The following TESPA1 variants were observed in gnomAD, a reference collection of about 807,000 sequenced individuals.
TESPA1 encodes thymocyte expressed, positive selection associated 1.
TESPA1 carries 33 observed loss-of-function variants against 57.9 expected under a neutral mutation model. The observed-to-expected ratio is 0.57, with a 90% confidence interval of 0.43 to 0.76. TESPA1 has a LOEUF of 0.76. Ranked by LOEUF, TESPA1 falls within the 30% of genes least tolerant of loss-of-function variation. TESPA1 has a pLI of 0.00. For synonymous variants in TESPA1, 227 were observed against 228.9 expected, an observed-to-expected ratio of 0.99 and a Z score of 0.07; for missense variants, 618 against 632.9, an observed-to-expected ratio of 0.98 and a Z score of 0.25.
chr12:54,982,433 AT>A (rs1399998142), intron 1 of TESPA1, among the ~76,000 whole-genome samples: 1 of 152,208 alleles, frequency 6.6e-6, no homozygotes, highest in African/African-American at 2.4e-5. Context: ...TCTCCCACAA[AT>A]AAGCGTAGCT....
chr12:54,964,955 T>C (rs1242084216), intron 7 of TESPA1, among the ~76,000 whole-genome samples: 1 of 152,202 alleles, frequency 6.6e-6, no homozygotes, highest in Non-Finnish European at 1.5e-5. Context: ...GGACTAAGGC[T>C]CAGTGAGGAT....
Position 54,964,332 on chromosome 12 carries a change from G to C in TESPA1, c.447-382C>G, listed in dbSNP as rs527758184. ...AATTTGCCATCCGACTTGCCCCAGT[G>C]GTTGTTGCGTGGGACAACTAAGCAA... On this transcript the variant is annotated intron_variant, in intron 7 of 10. Transcript: ENST00000449076. Among the ~76,000 whole-genome samples, 66 of 152,300 alleles carry C rather than the reference G, an allele frequency of 4.3e-4. 2 individuals are homozygous for C. The South Asian group carries it at 0.014, about 31-fold the overall frequency.
At chr12:54,970,539 A>G (rs911311960) in intron 3 of TESPA1, among the ~76,000 whole-genome samples, 3 of 152,186 alleles carry the variant, frequency 2.0e-5, no homozygotes, top group African/African-American at 7.2e-5. Flanking sequence ...GGAACCTACA[A>G]CAGCAGTGTG....
intron 3 of TESPA1, among the ~76,000 whole-genome samples, chr12:54,970,077 C>T (rs1307838091): frequency 6.6e-6 from 1 of 152,150 alleles, no homozygotes; most frequent in African/African-American, 2.4e-5. Context: ...AAGGTGCTGC[C>T]ATGCCTGGCT....
At chr12:54,972,019 A>T (rs1951862259) in intron 3 of TESPA1, among the ~76,000 whole-genome samples, 1 of 152,230 alleles carries the variant, frequency 6.6e-6, no homozygotes, top group Non-Finnish European at 1.5e-5. Flanking sequence ...GAGAACCCTT[A>T]GACTGTATTA....
At position 54,961,201 on chromosome 12, in the gene TESPA1, G is replaced by C; in HGVS notation, c.1534C>G (p.His512Asp). 1 of 1,614,026 alleles carries C rather than the reference G, an allele frequency of 6.2e-7. No homozygotes were observed. The highest frequency in any genetic ancestry group is 2.2e-5 in the East Asian group (1 of 44,882). ...TCTTTGCCAGCAAAAGTCTGGTGGT[G>C]GTGGGGGTGCCTGGGTCTGCTGGGC... ...RWPSRPRHPHHHQTFAGKDS is the reference protein window; with the variant it reads ...RWPSRPRHPHDHQTFAGKDS Residue 512 changes from histidine (H) to aspartate (D), a missense_variant, in exon 10 of 11, where the codon CAC becomes GAC. By Grantham distance (81) the His-to-Asp change is moderately conservative. Around this residue, in one of 3 missense-constraint regions of TESPA1, gnomAD observed 409 missense variants for 420.1 expected, o/e 0.97. Coordinates refer to ENST00000449076, the MANE Select transcript of TESPA1 (RefSeq NM_001136030.3).
At chr12:54,975,379 A>C (rs1304583201) in intron 1 of TESPA1, among the ~76,000 whole-genome samples, 1 of 152,182 alleles carries the variant, frequency 6.6e-6, no homozygotes, top group African/African-American at 2.4e-5. Context: ...TTCATATTTC[A>C]TGTAACATTA....
intron 8 of TESPA1, among the ~76,000 whole-genome samples, 169 bp from the exon 9 acceptor site, chr12:54,963,411 A>T (rs1365158581): frequency 1.3e-5 from 2 of 152,122 alleles, no homozygotes; most frequent in Non-Finnish European, 2.9e-5. Context: ...GAATTTCGTA[A>T]CTTCTTGACA....
At position 54,966,102 on chromosome 12, in the gene TESPA1, T is replaced by C; in HGVS notation, c.397A>G (p.Ser133Gly). Residue 133 changes from serine to glycine, a missense_variant, in exon 7 of 11, where the codon AGT becomes GGT. Transcript: ENST00000449076. ...RPCQLLDLGC[S>G]LASSSMTGGT... is the part of the protein sequence containing the mutation. The stretch of plus-strand genomic sequence containing the variant: ...CCAGTCATGCTGCTGGAAGCCAAAC[T>C]ACAGCCAAGATCAAGTAGCTGGCAA... 6.3e-7 allele frequency: 1 copy of C among 1,578,688 alleles called. No individual in the cohort carries two copies. Among genetic ancestry groups the C allele is most frequent in the Non-Finnish European group, 8.6e-7 (1 of 1,161,204 alleles).
At chr12:54,973,789 CTT>C in intron 2 of TESPA1, 2 of 1,229,206 alleles carry the variant, frequency 1.6e-6, no homozygotes, top group Non-Finnish European at 2.0e-6. Context: ...TTGAGAGTTC[CTT>C]TCCCACAAGG....
chr12:54,955,323 G>A (rs1232478792), intron 10 of TESPA1, among the ~76,000 whole-genome samples: 1 of 152,164 alleles, frequency 6.6e-6, no homozygotes, highest in Non-Finnish European at 1.5e-5. Context: ...AATGGACAAA[G>A]GTTGACATCC....
intron 10 of TESPA1, among the ~76,000 whole-genome samples, chr12:54,952,725 A>G (rs1183074829): frequency 6.6e-6 from 1 of 152,236 alleles, no homozygotes; most frequent in Non-Finnish European, 1.5e-5. Flanking sequence ...GCCTTCAGTA[A>G]TTAATGAATT....
chr12:54,980,120 C>A (rs1206732982), intron 1 of TESPA1, among the ~76,000 whole-genome samples: 1 of 152,040 alleles, frequency 6.6e-6, no homozygotes, highest in Non-Finnish European at 1.5e-5. Flanking sequence ...CCAATGTCAC[C>A]ATCCAATGTA....
chr12:54,967,660 C>T (rs1347836930), intron 4 of TESPA1, among the ~76,000 whole-genome samples, 183 bp downstream of exon 4: 1 of 152,168 alleles, frequency 6.6e-6, no homozygotes, highest in Non-Finnish European at 1.5e-5. Flanking sequence ...TGAGCCAGCA[C>T]TTTCTTCTGG....
intron 3 of TESPA1, among the ~76,000 whole-genome samples, chr12:54,969,213 G>A (rs1449638558): frequency 6.6e-6 from 1 of 151,300 alleles, no homozygotes; most frequent in Non-Finnish European, 1.5e-5. Context: ...AGCTCATTAA[G>A]AATAGGTAAC....
chr12:54,973,673 C>T (rs2136187817), intron 2 of TESPA1, 154 bp from the exon 3 acceptor site: 2 of 1,441,376 alleles, frequency 1.4e-6, no homozygotes, highest in Middle Eastern at 1.8e-4. Context: ...GAGAGGAATA[C>T]ACCGTATATA....
Position 54,974,555 on chromosome 12 carries a change from G to C in TESPA1, c.8C>G (p.Ala3Gly). Residue 3 changes from alanine (A) to glycine (G), a missense_variant, in exon 2 of 11, where the codon GCC (alanine) becomes GGC (glycine). Transcript: ENST00000449076. Reference sequence around the variant, plus strand: ...CCAGGATGTGGGGCTCAGCACAGAGGCCTCCATGGCCCTGGCTCAGACTTC... The same window carrying C: ...CCAGGATGTGGGGCTCAGCACAGAGCCCTCCATGGCCCTGGCTCAGACTTC... ME[A>G]SVLSPTSWEK... 6.3e-7 allele frequency: 1 copy of C among 1,581,966 alleles called. No individual in the cohort carries two copies. The highest frequency in any genetic ancestry group is 1.3e-5 in the African/African-American group (1 of 74,090).
chr12:54,967,116 C>T, intron 5 of TESPA1, 67 bp downstream of exon 5: 1 of 1,578,964 alleles, frequency 6.3e-7, no homozygotes, highest in Non-Finnish European at 8.7e-7. Flanking sequence ...CACTTCCATC[C>T]TATCCTGAAT....
At chr12:54,963,265 G>A (rs1951203906) in intron 8 of TESPA1, 23 bp from the exon 9 acceptor site, 1 of 1,585,408 alleles carries the variant, frequency 6.3e-7, no homozygotes, top group Non-Finnish European at 8.6e-7. Flanking sequence ...GTTAAAGATG[G>A]TAAGTCTGGG....
Sources: allele counts gnomAD v4.1 joint callset (sites outside exome capture counted in the v4.1 genomes callset), GRCh38; gene constraint gnomAD v4.1.1; regional missense constraint gnomAD v4.1.1; transcripts MANE v1.5; gene names NCBI Gene and HGNC (gene_info 2026-07-23, HGNC 2026-07-21).